ZNF503: variants seen among roughly 807,000 people sequenced by gnomAD.
The protein encoded by ZNF503 is zinc finger protein 503, also known as NocA-like zinc finger 2.
ZNF503 carries 15 observed loss-of-function variants against 34.4 expected under a neutral mutation model. That is an observed-to-expected ratio of 0.44 (90% confidence interval 0.29 to 0.67). ZNF503 has a LOEUF of 0.67. Among genes scored for constraint, ZNF503 ranks in the 30% least tolerant of loss-of-function variants. The probability of loss-of-function intolerance (pLI) is 0.13; values close to 1 mark genes in which losing one functional copy is unlikely to be tolerated. For synonymous variants in ZNF503, 580 were observed against 456.8 expected (o/e 1.27, Z -3.44); for missense variants, 1,007 against 926.8 (o/e 1.09, Z -1.12).
At chr10:75,397,336 G>A (rs1012630187), downstream of ZNF503, among the ~76,000 whole-genome samples, 2 of 152,164 alleles carry the variant, frequency 1.3e-5, no homozygotes, top group African/African-American at 4.8e-5. Flanking sequence ...CTCCCCCCAG[G>A]CCCGGGACAC....
chr10:75,338,824 G>T, the ZNF503 span, among the ~76,000 whole-genome samples: 1 of 152,250 alleles, frequency 6.6e-6, no homozygotes, highest in African/African-American at 2.4e-5. Context: ...GGTGTGCCCT[G>T]CTTCGAGAAT....
the ZNF503 span, among the ~76,000 whole-genome samples, chr10:75,392,807 A>C: frequency 6.6e-6 from 1 of 152,174 alleles, no homozygotes; most frequent in Non-Finnish European, 1.5e-5. Context: ...GAAAGAAAGA[A>C]ACAAACTTGT....
the ZNF503 span, among the ~76,000 whole-genome samples, chr10:75,384,383 C>T: frequency 1.3e-5 from 2 of 152,154 alleles, no homozygotes; most frequent in Admixed American, 6.5e-5. Flanking sequence ...TACACACTTT[C>T]CCATATGGAC....
chr10:75,386,260 GATC>G, the ZNF503 span, among the ~76,000 whole-genome samples: 1 of 152,122 alleles, frequency 6.6e-6, no homozygotes, highest in Non-Finnish European at 1.5e-5. Context: ...GCCCAGATTT[GATC>G]ACAAGAATGA....
At chr10:75,296,194 GGT>G in the ZNF503 span, among the ~76,000 whole-genome samples, 6 of 152,206 alleles carry the variant, frequency 3.9e-5, no homozygotes, top group Admixed American at 1.3e-4. Context: ...CCTGGAGAGG[GGT>G]CCCTGTCTCA....
the ZNF503 span, chr10:75,298,846 A>G: frequency 6.6e-6 from 1 of 150,618 alleles, no homozygotes; most frequent in Non-Finnish European, 1.5e-5. Flanking sequence ...CTGGTCTTGA[A>G]CTCCTGGACT....
the ZNF503 span, among the ~76,000 whole-genome samples, chr10:75,350,840 C>T: frequency 1.3e-5 from 2 of 152,192 alleles, no homozygotes; most frequent in Admixed American, 1.3e-4. Context: ...AGGCATGAGC[C>T]ACCGCGTCCA....
At chr10:75,331,464 T>C in the ZNF503 span, among the ~76,000 whole-genome samples, 247 of 152,334 alleles carry the variant, frequency 1.6e-3, no homozygotes, top group African/African-American at 5.8e-3. Flanking sequence ...ATTTTATTTT[T>C]TTAGAGACAG....
chr10:75,399,017 G>A lies in ZNF503; in HGVS notation c.1673C>T (p.Ser558Leu), dbSNP rs1843742537. 3.7e-6 allele frequency: 6 copies of A among 1,610,102 alleles called. No homozygotes were observed. The highest frequency in any genetic ancestry group is 4.2e-6 in the Non-Finnish European group (5 of 1,179,602). The change falls in exon 2 of 2, where the codon TCG becomes TTG. Residue 558 changes from serine (S) to leucine (L), a missense_variant. Ser to Leu is a moderately radical substitution (Grantham distance 145). Coordinates refer to ENST00000372524, the MANE Select transcript of ZNF503 (RefSeq NM_032772.6). ...TDKLLSGYPS[S>L]SSLASAAAAA... ...CGCGGCAGCGCTGGCCAGAGACGAC[G>A]AGCTGGGGTAGCCCGACAGCAGTTT...
chr10:75,394,269 G>A (rs1234438307), downstream of ZNF503, among the ~76,000 whole-genome samples: 5 of 152,362 alleles, frequency 3.3e-5, no homozygotes, highest in East Asian at 9.6e-4. Context: ...GTAATGGGGT[G>A]AAGATTCTAA....
the ZNF503 span, among the ~76,000 whole-genome samples, chr10:75,332,509 G>T: frequency 7.0e-6 from 1 of 141,980 alleles, no homozygotes. Flanking sequence ...ATAATTCTTG[G>T]GTGTTTCTCA....
At chr10:75,391,555 G>A in the ZNF503 span, among the ~76,000 whole-genome samples, 1 of 152,168 alleles carries the variant, frequency 6.6e-6, no homozygotes, top group Non-Finnish European at 1.5e-5. Context: ...GTTATTGTCA[G>A]CAAATGCTAT....
chr10:75,397,656 G>A (rs1356991866), downstream of ZNF503, among the ~76,000 whole-genome samples: 2 of 152,118 alleles, frequency 1.3e-5, no homozygotes, highest in African/African-American at 4.8e-5. Flanking sequence ...TGTTCCCCAA[G>A]GCCAACTTCG....
At chr10:75,343,909 AT>A in the ZNF503 span, among the ~76,000 whole-genome samples, 1 of 152,198 alleles carries the variant, frequency 6.6e-6, no homozygotes, top group Non-Finnish European at 1.5e-5. Context: ...GGGGGGTGAC[AT>A]CTGCTGGGCC....
Position 75,399,108 on chromosome 10 carries a change from G to A in ZNF503, c.1582C>T (p.Arg528Cys). Reference sequence around the variant, plus strand: ...AGCAGCTCTTCGGACGTGGCGAAGCGCTTGTCGCACGGCCCGTTGGCCGAC... The same window carrying A: ...AGCAGCTCTTCGGACGTGGCGAAGCACTTGTCGCACGGCCCGTTGGCCGAC... ...WVSANGPCDK[R>C]FATSEELLSH... The change falls in exon 2 of 2, where the codon CGC (arginine) becomes TGC (cysteine). Residue 528 changes from arginine to cysteine, a missense_variant. By Grantham distance (180) the Arg-to-Cys change is radical. Transcript: ENST00000372524. 1 of 1,613,712 alleles carries A rather than the reference G, an allele frequency of 6.2e-7. No homozygotes were observed. Among genetic ancestry groups the A allele is most frequent in the Non-Finnish European group, 8.5e-7 (1 of 1,179,828 alleles).
chr10:75,295,896 A>G, the ZNF503 span, among the ~76,000 whole-genome samples: 2 of 152,164 alleles, frequency 1.3e-5, no homozygotes, highest in African/African-American at 4.8e-5. This position sits in a 1 kb window ranked among gnomAD's most constrained non-coding sequence, Gnocchi z 4.0. Flanking sequence ...AGAGAGAGAC[A>G]AAGTCAGGAG....
At chr10:75,283,482 G>C in the ZNF503 span, 1 of 152,250 alleles carries the variant, frequency 6.6e-6, no homozygotes, top group African/African-American at 2.4e-5. Context: ...ACAAACCAAG[G>C]ACAAAAGCTC....
chr10:75,355,001 G>C, the ZNF503 span, among the ~76,000 whole-genome samples: 4 of 150,442 alleles, frequency 2.7e-5, no homozygotes, highest in Admixed American at 2.6e-4. Context: ...ACCACGCCCA[G>C]CTAACTTTTT....
chr10:75,340,189 T>A, the ZNF503 span, among the ~76,000 whole-genome samples: 1 of 150,710 alleles, frequency 6.6e-6, no homozygotes, highest in East Asian at 2.0e-4. Flanking sequence ...GAGGCTGCAG[T>A]GAGCCGTGAT....
Sources: allele counts gnomAD v4.1 joint callset (sites outside exome capture counted in the v4.1 genomes callset), GRCh38; gene constraint gnomAD v4.1.1; non-coding constraint Gnocchi (gnomAD v3.1); transcripts MANE v1.5; gene names NCBI Gene and HGNC (gene_info 2026-07-23, HGNC 2026-07-21).